BIRC2: variants seen among roughly 807,000 people sequenced by gnomAD.
BIRC2 encodes baculoviral IAP repeat containing 2.
In BIRC2, 18 loss-of-function variants were observed where a neutral mutation model predicts 60.9. The ratio of observed to expected loss-of-function variants is 0.30; its 90% CI spans 0.20 to 0.44. The LOEUF (loss-of-function observed/expected upper bound fraction) is 0.44. Among genes scored for constraint, BIRC2 ranks in the 20% least tolerant of loss-of-function variants. BIRC2 has a pLI of 1.00. For missense variants in BIRC2, 701 were observed against 728.5 expected (o/e 0.96, Z 0.43); for synonymous variants, 282 against 247.7 (o/e 1.14, Z -1.30).
rs529956371 is a variant in BIRC2, at chr11:102,376,628, C to T, written c.1367-868C>T. 5.9e-5 allele frequency among the ~76,000 whole-genome samples: 9 copies of T among 151,988 alleles called. No homozygotes were observed. The East Asian group carries it at 1.7e-3, about 29-fold the overall frequency. On this transcript the variant is annotated intron_variant, in intron 6 of 8. Transcript: ENST00000227758. Reference sequence around the variant, plus strand: ...ACCATATTCCATAAATATAAATTAACTGTGGAGTTTTATGTGATGCGATAT... The same window carrying T: ...ACCATATTCCATAAATATAAATTAATTGTGGAGTTTTATGTGATGCGATAT...
At chr11:102,376,516 A>C (rs530643309) in intron 6 of BIRC2, among the ~76,000 whole-genome samples, 4 of 152,354 alleles carry the variant, frequency 2.6e-5, no homozygotes, top group Admixed American at 6.5e-5. Flanking sequence ...TTAAACTGGT[A>C]CTTTGTAGAG....
chr11:102,367,255 A>G (rs1360054555), intron 5 of BIRC2, among the ~76,000 whole-genome samples: 1 of 151,610 alleles, frequency 6.6e-6, no homozygotes, highest in African/African-American at 2.4e-5. Flanking sequence ...GTAGTCCAGC[A>G]TATATTGCAT....
At chr11:102,361,253 A>G (rs925897224) in intron 3 of BIRC2, among the ~76,000 whole-genome samples, 5 of 152,160 alleles carry the variant, frequency 3.3e-5, no homozygotes, top group Non-Finnish European at 7.3e-5. Context: ...TGGTGCTTCT[A>G]GTGCCTCAGA....
chr11:102,361,274 C>T (rs777407323), intron 3 of BIRC2, among the ~76,000 whole-genome samples: 3 of 152,112 alleles, frequency 2.0e-5, no homozygotes, highest in African/African-American at 7.2e-5. Flanking sequence ...TGTGGGTGCA[C>T]GTAGAGCAGC....
rs1336563557 is a variant in BIRC2, at chr11:102,350,540, A to G, written c.686A>G (p.Asn229Ser). ...TTTGCCTGTGGTGGGAAGCTCAGTA[A>G]CTGGGAACCAAAGGATGATGCTATG... ...ACFACGGKLS[N>S]WEPKDDAMSE... The change falls in exon 2 of 9, where the codon AAC (asparagine) becomes AGC (serine). Residue 229 changes from asparagine (N) to serine (S), a missense_variant. Physicochemically the swap from Asn to Ser is conservative, Grantham distance 46. This residue lies in a region of BIRC2 where 375 missense variants were observed against 365.9 expected (regional missense o/e 1.02). Transcript: ENST00000227758. 4 of 1,614,098 alleles carry G rather than the reference A, an allele frequency of 2.5e-6. No homozygotes were observed. The East Asian group carries it at 8.9e-5, about 36-fold the overall frequency.
rs1382586698 is a variant in BIRC2 at position 102,350,446 on chromosome 11, T to A, written c.592T>A (p.Phe198Ile). Residue 198 changes from phenylalanine (F) to isoleucine (I), a missense_variant, in exon 2 of 9, where the codon TTT (phenylalanine) becomes ATT (isoleucine). Phe to Ile is a conservative substitution (Grantham distance 21). Transcript: ENST00000227758. The part of the protein sequence containing the change: ...FLTYHMWPLT[F>I]LSPSELARAG... ...TACCTACCATATGTGGCCATTAACT[T>A]TTTTGTCACCATCAGAATTGGCAAG... is the stretch of plus-strand genomic sequence containing the variant. 1.2e-6 allele frequency: 2 copies of A among 1,614,226 alleles called. No individual in the cohort carries two copies.
chr11:102,355,136 T>C (rs1565332542), intron 3 of BIRC2, among the ~76,000 whole-genome samples: 1 of 152,260 alleles, frequency 6.6e-6, no homozygotes, highest in East Asian at 1.9e-4. Flanking sequence ...ATTTTTGTTT[T>C]GGTTGCCTGT....
chr11:102,364,174 T>C (rs10895291), intron 5 of BIRC2, among the ~76,000 whole-genome samples: 1,889 of 77,698 alleles, frequency 0.024, 26 homozygotes, highest in Middle Eastern at 0.057. Flanking sequence ...TATATATATA[T>C]ACACACACAC....
At chr11:102,377,217 G>A (rs901509366) in intron 6 of BIRC2, among the ~76,000 whole-genome samples, 1 of 152,174 alleles carries the variant, frequency 6.6e-6, no homozygotes, top group African/African-American at 2.4e-5. Context: ...ATTATATATG[G>A]TGGGGGGAAA....
rs34014235 is a variant in BIRC2, at chr11:102,349,269, G to A, written c.-586G>A. Reference sequence around the variant, plus strand: ...ACTTAAGTAAATACTATGATGATAAGCTGTGTGAACTTAGCTTTTAAATAG... The same window carrying A: ...ACTTAAGTAAATACTATGATGATAAACTGTGTGAACTTAGCTTTTAAATAG... On this transcript the variant is annotated 5_prime_UTR_variant, in exon 2 of 9. Transcript: ENST00000227758. 1.3e-4 allele frequency: 20 copies of A among 152,442 alleles called. No homozygotes were observed. Among genetic ancestry groups the A allele is most frequent in the African/African-American group, 4.6e-4 (19 of 41,562 alleles). 9.4% of individuals were successfully genotyped at this position (152,442 alleles called of 1,614,324 possible).
At chr11:102,360,190 C>A (rs1288567657) in intron 3 of BIRC2, among the ~76,000 whole-genome samples, 2 of 152,110 alleles carry the variant, frequency 1.3e-5, no homozygotes, top group East Asian at 1.9e-4. Context: ...TGGTCTTGAA[C>A]CCCTGACTTC....
intron 4 of BIRC2, 52 bp from the exon 5 acceptor site, chr11:102,363,616 A>C: frequency 7.2e-7 from 1 of 1,392,828 alleles, no homozygotes; most frequent in African/African-American, 1.4e-5. Context: ...TGTTCTTTTC[A>C]GATTGTTGGG....
At chr11:102,377,350 A>G in intron 6 of BIRC2, 146 bp from the exon 7 acceptor site, 1 of 699,346 alleles carries the variant, frequency 1.4e-6, no homozygotes, top group Non-Finnish European at 2.2e-6. Context: ...CAAACAACAA[A>G]CTTACAAATG....
In BIRC2 at chr11:102,368,552, T is replaced by C; in HGVS notation, c.1366+4T>C. 1 of 1,612,080 alleles carries C rather than the reference T, an allele frequency of 6.2e-7. No homozygotes were observed. Among genetic ancestry groups the C allele is most frequent in the Non-Finnish European group, 8.5e-7 (1 of 1,179,160 alleles). ...CAAGCTGAAGAAATGGCATCAGGTA[T>C]TTGGGGATGTTAGTCACCTGCATTG... is the stretch of plus-strand genomic sequence containing the variant. On this transcript the variant is annotated splice_donor_region_variant and intron_variant, in intron 6 of 8. Transcript: ENST00000227758.
chr11:102,347,276 G>C lies in BIRC2; in HGVS notation c.-1358G>C, dbSNP rs34115368. ...TTCGGGAGCGCCCGGGCTGATCCGA[G>C]CCGAGCGGGCCGTATCTCCTTGTCG... On this transcript the variant is annotated 5_prime_UTR_variant, in exon 1 of 9. Transcript: ENST00000227758. The C allele has an allele frequency of 0.025, 3,749 of 152,424 alleles. 76 individuals are homozygous for C. The highest frequency in any genetic ancestry group is 0.038 in the Non-Finnish European group (2,586 of 68,074). 9.4% of individuals were successfully genotyped at this position (152,424 alleles called of 1,614,324 possible). A position where few individuals can be genotyped will look rare whatever the true frequency, so the allele number is the denominator to read the frequency against.
intron 3 of BIRC2, among the ~76,000 whole-genome samples, chr11:102,354,725 C>T (rs1951401594): frequency 6.6e-6 from 1 of 152,150 alleles, no homozygotes; most frequent in Admixed American, 6.6e-5. Context: ...CAAGGGTTCC[C>T]TTTTCTTCAC....
chr11:102,349,725 C>G lies in BIRC2; in HGVS notation c.-130C>G. 1 of 940,222 alleles carries G rather than the reference C, an allele frequency of 1.1e-6. No homozygotes were observed. The highest frequency in any genetic ancestry group is 2.7e-5 in the Admixed American group (1 of 36,864). 58.2% of individuals were successfully genotyped at this position (940,222 alleles called of 1,614,324 possible). On this transcript the variant is annotated 5_prime_UTR_variant, in exon 2 of 9. It adds an upstream start codon to the 5' untranslated region. Transcript: ENST00000227758. ...TACCTGAATATAAACTGAGATAAAT[C>G]CAGTAAAGAAAGTGTAGTAAATTCT... is the stretch of plus-strand genomic sequence containing the variant.
At chr11:102,363,634 G>C (rs199921218) in intron 4 of BIRC2, 34 bp from the exon 5 acceptor site, 3 of 1,567,748 alleles carry the variant, frequency 1.9e-6, no homozygotes, top group Non-Finnish European at 2.6e-6. Flanking sequence ...GGGGATATCT[G>C]CTTTTACCTA....
intron 6 of BIRC2, among the ~76,000 whole-genome samples, chr11:102,369,452 A>G (rs1194611021): frequency 6.6e-6 from 1 of 151,482 alleles, no homozygotes; most frequent in African/African-American, 2.4e-5. Context: ...ACTGAGAATG[A>G]TGATTTCCAA....
Sources: allele counts gnomAD v4.1 joint callset (sites outside exome capture counted in the v4.1 genomes callset), GRCh38; gene constraint gnomAD v4.1.1; regional missense constraint gnomAD v4.1.1; transcripts MANE v1.5; gene names NCBI Gene and HGNC (gene_info 2026-07-23, HGNC 2026-07-21).